Variants in JAZF1 observed in about 807,000 individuals in gnomAD.
JAZF1 encodes the protein juxtaposed with another zinc finger protein 1.
A neutral mutation model predicts 26.4 loss-of-function variants in JAZF1; 8 were observed. The ratio of observed to expected loss-of-function variants is 0.30; its 90% CI spans 0.18 to 0.55. The LOEUF (loss-of-function observed/expected upper bound fraction) is 0.55. JAZF1 is among the 20% of genes least tolerant of loss of function. JAZF1 has a pLI of 0.94. For missense variants in JAZF1, 199 were observed against 322.0 expected (o/e 0.62, Z 2.92); for synonymous variants, 126 against 122.3 (o/e 1.03, Z -0.20).
At chr7:27,833,698 T>C (rs1230693571) in intron 4 of JAZF1, among the ~76,000 whole-genome samples, 1 of 152,248 alleles carries the variant, frequency 6.6e-6, no homozygotes, top group Admixed American at 6.5e-5. Context: ...GTCACTAAGA[T>C]TGGACTTCTT....
In JAZF1 at chr7:27,974,951, C is replaced by G. The variant is rs183131002; in HGVS notation, c.188+16958G>C. On this transcript the variant is annotated intron_variant, in intron 2 of 4. Coordinates refer to ENST00000283928, the MANE Select transcript of JAZF1 (RefSeq NM_175061.4). ...CCAGGCTGGAGTGCAGTGGCACGAT[C>G]TGGGCTCTCTGCAACCTCTGCCTCC... Among the ~76,000 whole-genome samples, 8 of 149,966 alleles carry G rather than the reference C, an allele frequency of 5.3e-5. No individual in the cohort carries two copies. The East Asian group carries it at 1.6e-3, about 30-fold the overall frequency.
intron 3 of JAZF1, among the ~76,000 whole-genome samples, chr7:27,850,748 C>T (rs1583429860): frequency 1.3e-5 from 2 of 152,162 alleles, no homozygotes; most frequent in East Asian, 3.9e-4. Flanking sequence ...CAGCCCTGGG[C>T]CTCATCATGA....
chr7:27,902,131 C>T (rs2128343228), intron 2 of JAZF1, among the ~76,000 whole-genome samples: 1 of 152,294 alleles, frequency 6.6e-6, no homozygotes, highest in East Asian at 1.9e-4. Context: ...TGAAAATATT[C>T]ATGTGTTTCA....
intron 1 of JAZF1, among the ~76,000 whole-genome samples, chr7:28,007,279 C>A (rs1272188294): frequency 2.0e-5 from 3 of 152,130 alleles, no homozygotes; most frequent in Non-Finnish European, 4.4e-5. Flanking sequence ...ACCAGTCTGG[C>A]CAACATGATG....
At chr7:28,052,217 C>A (rs538781420) in intron 1 of JAZF1, among the ~76,000 whole-genome samples, 1 of 152,188 alleles carries the variant, frequency 6.6e-6, no homozygotes, top group East Asian at 1.9e-4. Flanking sequence ...GTAATTAGAC[C>A]ACCTTTTGTT....
chr7:28,180,625 C>T lies in JAZF1; in HGVS notation c.-48G>A. On this transcript the variant is annotated 5_prime_UTR_variant, in exon 1 of 5. Transcript: ENST00000283928. ...TGGTGTCGGCTCTGCGAGCGCCGGG[C>T]GGGCGAGGGAGGGAGGGAGGCCGGG... is the stretch of plus-strand genomic sequence containing the variant. The T allele has an allele frequency of 2.3e-6, 2 of 852,580 alleles. No individual in the cohort carries two copies. 52.8% of individuals were successfully genotyped at this position (852,580 alleles called of 1,614,324 possible). A position where few individuals can be genotyped will look rare whatever the true frequency, so the allele number is the denominator to read the frequency against.
chr7:27,886,946 T>C (rs778473750), intron 3 of JAZF1, among the ~76,000 whole-genome samples: 1 of 152,206 alleles, frequency 6.6e-6, no homozygotes, highest in Non-Finnish European at 1.5e-5. Context: ...TCATGTACTT[T>C]GCAGGGACTT....
chr7:28,070,718 A>C (rs1282203964), intron 1 of JAZF1, among the ~76,000 whole-genome samples: 2 of 152,240 alleles, frequency 1.3e-5, no homozygotes, highest in Non-Finnish European at 2.9e-5. Context: ...TGAACAGCAC[A>C]GAGGGCCAGA....
chr7:28,023,500 C>T (rs999545466), intron 1 of JAZF1, among the ~76,000 whole-genome samples: 3 of 152,170 alleles, frequency 2.0e-5, no homozygotes, highest in Non-Finnish European at 4.4e-5. Flanking sequence ...TTCCAGATTC[C>T]TGGTGTCTAA....
chr7:28,020,376 C>A (rs1390863572), intron 1 of JAZF1, among the ~76,000 whole-genome samples: 1 of 152,062 alleles, frequency 6.6e-6, no homozygotes, highest in Non-Finnish European at 1.5e-5. Flanking sequence ...GAAAACGGCA[C>A]AGGGAAAATG....
intron 1 of JAZF1, among the ~76,000 whole-genome samples, chr7:28,118,791 C>CACACACAA (rs755914494): frequency 7.0e-6 from 1 of 142,596 alleles, no homozygotes; most frequent in African/African-American, 2.7e-5. Flanking sequence ...CACACACACA[C>CACACACAA]AACACACACA....
rs180812745 is a variant in JAZF1, at chr7:28,177,111, C to G, written c.115+3352G>C. Among the ~76,000 whole-genome samples, 3 of 152,128 alleles carry G rather than the reference C, an allele frequency of 2.0e-5. No individual in the cohort carries two copies. The East Asian group carries it at 5.8e-4, about 29-fold the overall frequency. ...ACAGTTGCAGGGCTACGGGATTTCT[C>G]GGCAATTTAAATTTAAGTGGGGATG... On this transcript the variant is annotated intron_variant, in intron 1 of 4. Coordinates refer to ENST00000283928, the MANE Select transcript of JAZF1 (RefSeq NM_175061.4).
chr7:28,174,087 G>A (rs999314538), intron 1 of JAZF1, among the ~76,000 whole-genome samples: 10 of 151,898 alleles, frequency 6.6e-5, no homozygotes, highest in East Asian at 1.9e-4. Context: ...AACTTAATAC[G>A]TTAGCCAGGT....
At chr7:27,981,907 C>A (rs1340844337) in intron 2 of JAZF1, among the ~76,000 whole-genome samples, 1 of 152,216 alleles carries the variant, frequency 6.6e-6, no homozygotes, top group African/African-American at 2.4e-5. Context: ...TATGTGGCCC[C>A]ATCCCTATTC....
chr7:27,988,286 T>G (rs73301359), intron 2 of JAZF1, among the ~76,000 whole-genome samples: 1 of 152,304 alleles, frequency 6.6e-6, no homozygotes, highest in Admixed American at 6.5e-5. Context: ...GTTAGGTCTA[T>G]TTTTTAGCAT....
At position 27,832,582 on chromosome 7, in the gene JAZF1, C is replaced by G. The variant is rs1782727145; in HGVS notation, c.*218G>C. On this transcript the variant is annotated 3_prime_UTR_variant, in exon 5 of 5. Coordinates refer to ENST00000283928, the MANE Select transcript of JAZF1 (RefSeq NM_175061.4). The stretch of plus-strand genomic sequence containing the variant: ...GCTTTTTTTGTTTAGCACCTTATAT[C>G]AAAGTAATGAAAATGGGTATGATGA... 2.7e-6 allele frequency: 1 copy of G among 367,766 alleles called. No homozygotes were observed. The highest frequency in any genetic ancestry group is 2.1e-5 in the African/African-American group (1 of 48,482). The allele number at this position is 367,766 out of a possible 1,614,324, so 22.8% of individuals were successfully genotyped here.
chr7:28,169,190 T>C (rs1183886386), intron 1 of JAZF1, among the ~76,000 whole-genome samples: 1 of 152,268 alleles, frequency 6.6e-6, no homozygotes, highest in Non-Finnish European at 1.5e-5. Flanking sequence ...AGTGCATGTA[T>C]AACTTAACGT....
At chr7:27,834,410 T>A (rs1378976471) in intron 4 of JAZF1, among the ~76,000 whole-genome samples, 1 of 152,198 alleles carries the variant, frequency 6.6e-6, no homozygotes, top group African/African-American at 2.4e-5. Flanking sequence ...GGGTGCCAAG[T>A]AGCAGCTGGC....
At chr7:28,070,177 G>T (rs980580808) in intron 1 of JAZF1, among the ~76,000 whole-genome samples, 2 of 152,160 alleles carry the variant, frequency 1.3e-5, no homozygotes, top group African/African-American at 4.8e-5. Flanking sequence ...TAAAACTACA[G>T]CTTGATAGCA....
Sources: allele counts gnomAD v4.1 joint callset (sites outside exome capture counted in the v4.1 genomes callset), GRCh38; gene constraint gnomAD v4.1.1; transcripts MANE v1.5; gene names NCBI Gene and HGNC (gene_info 2026-07-23, HGNC 2026-07-21).